ERG: variants seen among roughly 807,000 people sequenced by gnomAD.
ERG encodes ETS transcription factor ERG, also known as transcriptional regulator ERG.
A neutral mutation model predicts 55.3 loss-of-function variants in ERG; 9 were observed. That is an observed-to-expected ratio of 0.16 (90% CI 0.10 to 0.28). The LOEUF is 0.28. Among genes scored for constraint, ERG ranks in the 10% least tolerant of loss-of-function variants. The pLI is 1.00. For synonymous variants in ERG, 223 were observed against 237.3 expected (o/e 0.94, Z 0.55); for missense variants, 434 against 631.6 (o/e 0.69, Z 3.35).
At chr21:38,529,721 T>C (rs1357724090) in intron 2 of ERG, among the ~76,000 whole-genome samples, 2 of 152,058 alleles carry the variant, frequency 1.3e-5, no homozygotes, top group African/African-American at 4.8e-5. Flanking sequence ...TCCCAGCACT[T>C]TGGGAGGCTG....
At chr21:38,592,343 C>A (rs2060105455) in intron 1 of ERG, among the ~76,000 whole-genome samples, 1 of 151,958 alleles carries the variant, frequency 6.6e-6, no homozygotes, top group African/African-American at 2.4e-5. Flanking sequence ...AAGCCTGGAA[C>A]TGTTGATAAG....
chr21:38,640,611 G>A (rs183079539), intron 1 of ERG, among the ~76,000 whole-genome samples: 21 of 152,250 alleles, frequency 1.4e-4, no homozygotes, highest in South Asian at 1.0e-3. Flanking sequence ...GATCTGTCTT[G>A]CCTGCCGCCA....
intron 3 of ERG, among the ~76,000 whole-genome samples, chr21:38,417,743 C>T (rs889593579): frequency 7.2e-5 from 11 of 152,064 alleles, no homozygotes; most frequent in East Asian, 5.8e-4. Context: ...AAGCCGTGAC[C>T]GCGCCATTGC....
rs1310393882 is a variant in ERG, at chr21:38,381,487, T to C, written c.*1916A>G. On this transcript the variant is annotated 3_prime_UTR_variant, in exon 10 of 10. Coordinates refer to ENST00000288319, the MANE Select transcript of ERG (RefSeq NM_182918.4). The stretch of plus-strand genomic sequence containing the variant: ...AGCCACAGTGCCCAGGTAACTCTGA[T>C]GTAGCAGGACTAAAGCTGTCTACCT... 5.6e-6 allele frequency: 6 copies of C among 1,063,632 alleles called. No individual in the cohort carries two copies. The highest frequency in any genetic ancestry group is 6.8e-6 in the Non-Finnish European group (6 of 878,338). The allele number at this position is 1,063,632 out of a possible 1,614,324, so 65.9% of individuals were successfully genotyped here. A position where few individuals can be genotyped will look rare whatever the true frequency, so the allele number is the denominator to read the frequency against.
chr21:38,657,946 C>T (rs1227741073), intron 1 of ERG, among the ~76,000 whole-genome samples: 1 of 152,160 alleles, frequency 6.6e-6, no homozygotes, highest in East Asian at 1.9e-4. Context: ...CCACTAAGTA[C>T]CATAATCATC....
intron 1 of ERG, among the ~76,000 whole-genome samples, chr21:38,470,244 C>T (rs1051639318): frequency 2.9e-5 from 4 of 138,012 alleles, no homozygotes; most frequent in African/African-American, 8.0e-5. Context: ...AATAAGCACT[C>T]TATGAGTGTT....
intron 1 of ERG, among the ~76,000 whole-genome samples, chr21:38,611,205 T>G (rs760488358): frequency 6.6e-6 from 1 of 151,822 alleles, no homozygotes; most frequent in Non-Finnish European, 1.5e-5. Flanking sequence ...TCCAGGCCAC[T>G]GTCACCCCTC....
chr21:38,442,763 C>G (rs902637254), intron 2 of ERG, among the ~76,000 whole-genome samples: 2 of 152,196 alleles, frequency 1.3e-5, no homozygotes, highest in African/African-American at 4.8e-5. Flanking sequence ...CTAAGGAAAA[C>G]AGTGTTTGCA....
intron 2 of ERG, among the ~76,000 whole-genome samples, chr21:38,507,496 G>A (rs1394089099): frequency 6.6e-6 from 1 of 151,972 alleles, no homozygotes; most frequent in Non-Finnish European, 1.5e-5. Flanking sequence ...CCTCATGACT[G>A]TGTCAGTGAT....
intron 2 of ERG, among the ~76,000 whole-genome samples, chr21:38,508,948 C>T (rs956936397): frequency 1.3e-5 from 2 of 152,122 alleles, no homozygotes; most frequent in Non-Finnish European, 2.9e-5. Flanking sequence ...GGAGAAAGCC[C>T]AAGCCATGTG....
intron 2 of ERG, among the ~76,000 whole-genome samples, chr21:38,505,705 C>G (rs990330699): frequency 6.6e-6 from 1 of 152,124 alleles, no homozygotes; most frequent in African/African-American, 2.4e-5. Flanking sequence ...GGAGATTATT[C>G]CAGCCTTTAT....
At position 38,380,596 on chromosome 21, in the gene ERG, A is replaced by G. The variant is rs1042759259; in HGVS notation, c.*2807T>C. 2 of 1,065,626 alleles carry G rather than the reference A, an allele frequency of 1.9e-6. No homozygotes were observed. The highest frequency in any genetic ancestry group is 1.1e-6 in the Non-Finnish European group (1 of 879,546). 66.0% of individuals were successfully genotyped at this position (1,065,626 alleles called of 1,614,324 possible). A position where few individuals can be genotyped will look rare whatever the true frequency, so the allele number is the denominator to read the frequency against. On this transcript the variant is annotated 3_prime_UTR_variant, in exon 10 of 10. Coordinates refer to ENST00000288319, the MANE Select transcript of ERG (RefSeq NM_182918.4). ...AGAAAAGGTTCATGCAATTATGAAT[A>G]TGACCTGGAGGGGGCTTTGGAATTA...
At chr21:38,506,021 G>GTTT (rs35198075) in intron 2 of ERG, among the ~76,000 whole-genome samples, 1 of 151,076 alleles carries the variant, frequency 6.6e-6, no homozygotes, top group East Asian at 1.9e-4. Flanking sequence ...CAGAAATGGT[G>GTTT]TTTTTTTTTG....
intron 3 of ERG, among the ~76,000 whole-genome samples, chr21:38,412,464 T>C (rs1989104298): frequency 6.6e-6 from 1 of 152,174 alleles, no homozygotes. Flanking sequence ...CTCATATTTT[T>C]ACTCCACTGA....
At chr21:38,625,915 C>CTTTTTTT (rs397797559) in intron 1 of ERG, among the ~76,000 whole-genome samples, 7 of 84,432 alleles carry the variant, frequency 8.3e-5, no homozygotes, top group African/African-American at 3.5e-4. Context: ...ACTTGAAGCT[C>CTTTTTTT]TTTTTTTTTT....
downstream of ERG, among the ~76,000 whole-genome samples, chr21:38,378,958 G>A (rs1987314144): frequency 6.6e-6 from 1 of 152,212 alleles, no homozygotes; most frequent in Non-Finnish European, 1.5e-5. Context: ...GTTGGAAGGA[G>A]TAATGAGGCA....
At chr21:38,626,977 A>G (rs1260494618) in intron 1 of ERG, among the ~76,000 whole-genome samples, 1 of 152,222 alleles carries the variant, frequency 6.6e-6, no homozygotes, top group Admixed American at 6.5e-5. Context: ...TTTTGCAGCC[A>G]TAATTGATAG....
chr21:38,374,327 G>A, the ERG span, among the ~76,000 whole-genome samples: 1 of 152,208 alleles, frequency 6.6e-6, no homozygotes, highest in Non-Finnish European at 1.5e-5. Context: ...GTAAACAGTT[G>A]TCGACCAGCT....
chr21:38,463,373 G>A (rs1652912388), intron 1 of ERG, among the ~76,000 whole-genome samples: 2 of 152,212 alleles, frequency 1.3e-5, no homozygotes, highest in African/African-American at 2.4e-5. Context: ...TTAACAGAGG[G>A]GAAGAAATAC....
Sources: allele counts gnomAD v4.1 joint callset (sites outside exome capture counted in the v4.1 genomes callset), GRCh38; gene constraint gnomAD v4.1.1; transcripts MANE v1.5; gene names NCBI Gene and HGNC (gene_info 2026-07-23, HGNC 2026-07-21).